Variants in SCCPDH observed in about 807,000 individuals in gnomAD.
SCCPDH encodes the protein saccharopine dehydrogenase (putative), also known as saccharopine dehydrogenase-like oxidoreductase.
SCCPDH carries 34 observed loss-of-function variants against 51.5 expected under a neutral mutation model. That is an observed-to-expected ratio of 0.66 (90% CI 0.50 to 0.88). The LOEUF (loss-of-function observed/expected upper bound fraction) is 0.88, where lower values mean the gene tolerates loss of function less well. Ranked by LOEUF, SCCPDH falls within the 40% of genes least tolerant of loss-of-function variation. SCCPDH has a pLI of 0.00. For missense variants in SCCPDH, 464 were observed against 527.1 expected (o/e 0.88, Z 1.17); for synonymous variants, 187 against 191.3 (o/e 0.98, Z 0.19).
chr1:246,758,880 C>T (rs1668971704), intron 6 of SCCPDH, among the ~76,000 whole-genome samples, 154 bp from the exon 7 acceptor site: 1 of 151,944 alleles, frequency 6.6e-6, no homozygotes, highest in African/African-American at 2.4e-5. Context: ...TCTCAAAGTC[C>T]TGGCCTTAAG....
intron 10 of SCCPDH, among the ~76,000 whole-genome samples, chr1:246,764,709 T>C (rs1669064347): frequency 2.0e-5 from 3 of 152,262 alleles, no homozygotes; most frequent in Admixed American, 6.5e-5. Flanking sequence ...AGGATTTCTT[T>C]AGAGTCTCTG....
At chr1:246,765,544 CTTATGT>C (rs1178113233) in intron 10 of SCCPDH, among the ~76,000 whole-genome samples, 1 of 152,042 alleles carries the variant, frequency 6.6e-6, no homozygotes, top group Non-Finnish European at 1.5e-5. Flanking sequence ...ATTTTTTTAA[CTTATGT>C]TTAGTCGTTA....
At chr1:246,750,033 C>T (rs767688798) in intron 5 of SCCPDH, among the ~76,000 whole-genome samples, 21 of 152,130 alleles carry the variant, frequency 1.4e-4, no homozygotes, top group Non-Finnish European at 2.9e-4. Flanking sequence ...TGGAGTTGGC[C>T]CTGGAATAGC....
chr1:246,752,323 C>A (rs1336068425), intron 5 of SCCPDH, among the ~76,000 whole-genome samples: 3 of 152,172 alleles, frequency 2.0e-5, no homozygotes, highest in South Asian at 2.1e-4. Context: ...CTTCTCCTAG[C>A]ATTTAACTCC....
intron 1 of SCCPDH, among the ~76,000 whole-genome samples, chr1:246,724,895 C>G (rs1047661619): frequency 6.6e-6 from 1 of 152,062 alleles, no homozygotes; most frequent in African/African-American, 2.4e-5. Flanking sequence ...GTTTGGGGAG[C>G]TCCCCTGGCG....
chr1:246,738,126 T>C (rs753734507), intron 3 of SCCPDH, among the ~76,000 whole-genome samples: 15 of 151,378 alleles, frequency 9.9e-5, no homozygotes, highest in Non-Finnish European at 1.5e-4. Flanking sequence ...AACCCAGGAG[T>C]TGGAGGTTGC....
chr1:246,736,497 C>A (rs1051515880), intron 3 of SCCPDH, among the ~76,000 whole-genome samples: 4 of 151,948 alleles, frequency 2.6e-5, no homozygotes, highest in Admixed American at 2.0e-4. Flanking sequence ...GTCAGGAGAT[C>A]GAGACCATCC....
At chr1:246,758,187 C>G (rs765258754) in intron 5 of SCCPDH, 39 bp from the exon 6 acceptor site, 55 of 1,488,588 alleles carry the variant, frequency 3.7e-5, no homozygotes, top group Non-Finnish European at 4.9e-5. Flanking sequence ...TTAGTAACTA[C>G]CCTTTCATGT....
intron 3 of SCCPDH, among the ~76,000 whole-genome samples, chr1:246,737,898 T>C (rs1668621877): frequency 6.6e-6 from 1 of 151,298 alleles, no homozygotes; most frequent in Non-Finnish European, 1.5e-5. Flanking sequence ...AGCCATAATA[T>C]CAAAACCTAA....
Position 246,726,903 on chromosome 1 carries a change from CTG to C in SCCPDH, c.204_205del (p.Ser69IlefsTer2). 1 of 1,612,150 alleles carries C rather than the reference CTG, an allele frequency of 6.2e-7. No homozygotes were observed. The highest frequency in any genetic ancestry group is 8.5e-7 in the Non-Finnish European group (1 of 1,178,212). ...KAALKLGRPT[L>X]SSEVGIIICD... ...GTTTCTTATTTTAGGAAGACCAACA[CTG>C]TCATCTGAAGTTGGAATCATCATCT... On this transcript the variant is annotated frameshift_variant, in exon 2 of 12. Transcript: ENST00000366510. LOFTEE classifies it high-confidence loss of function.
intron 3 of SCCPDH, among the ~76,000 whole-genome samples, chr1:246,738,897 C>T (rs759778886): frequency 9.2e-5 from 14 of 152,220 alleles, no homozygotes; most frequent in Non-Finnish European, 1.9e-4. Flanking sequence ...AGAGACAAAT[C>T]TTCTTTGTGG....
intron 3 of SCCPDH, among the ~76,000 whole-genome samples, chr1:246,736,773 G>A (rs1362202797): frequency 2.6e-5 from 4 of 152,058 alleles, no homozygotes; most frequent in African/African-American, 7.2e-5. Context: ...ATTCACTAGT[G>A]TAAAATCAAC....
intron 4 of SCCPDH, among the ~76,000 whole-genome samples, 154 bp downstream of exon 4, chr1:246,740,455 C>T (rs1668660010): frequency 6.6e-6 from 1 of 152,100 alleles, no homozygotes; most frequent in Admixed American, 6.5e-5. Flanking sequence ...TATAGCTGCA[C>T]TTTTAATAAA....
chr1:246,759,403 C>T (rs993253211), intron 7 of SCCPDH, among the ~76,000 whole-genome samples: 2 of 152,176 alleles, frequency 1.3e-5, no homozygotes, highest in African/African-American at 4.8e-5. Flanking sequence ...GGAAATCCTG[C>T]TGTCATAAGC....
intron 3 of SCCPDH, 25 bp downstream of exon 3, chr1:246,736,080 G>T (rs376950783): frequency 2.0e-6 from 3 of 1,505,362 alleles, no homozygotes; most frequent in African/African-American, 2.8e-5. Flanking sequence ...AAGGAAAAAC[G>T]TAGAATTAAC....
chr1:246,745,173 A>G (rs1362343175), intron 5 of SCCPDH, among the ~76,000 whole-genome samples: 1 of 151,516 alleles, frequency 6.6e-6, no homozygotes, highest in Admixed American at 6.6e-5. Flanking sequence ...AACGTAAGAC[A>G]TTGACGTTGG....
intron 4 of SCCPDH, among the ~76,000 whole-genome samples, chr1:246,742,120 A>G: frequency 6.6e-6 from 1 of 152,248 alleles, no homozygotes; most frequent in East Asian, 1.9e-4. Context: ...CAGTAGCTGT[A>G]TCATACTTAA....
intron 9 of SCCPDH, among the ~76,000 whole-genome samples, chr1:246,764,036 TC>T (rs1669055358): frequency 6.6e-6 from 1 of 151,598 alleles, no homozygotes; most frequent in Non-Finnish European, 1.5e-5. Context: ...CCACTCCCCT[TC>T]CCCCCAACAT....
chr1:246,740,012 C>T (rs537890175), intron 3 of SCCPDH, among the ~76,000 whole-genome samples, 160 bp from the exon 4 acceptor site: 7 of 152,186 alleles, frequency 4.6e-5, no homozygotes, highest in Admixed American at 1.3e-4. Flanking sequence ...CTGTATTTGC[C>T]GAATAAGTGG....
Sources: allele counts gnomAD v4.1 joint callset (sites outside exome capture counted in the v4.1 genomes callset), GRCh38; gene constraint gnomAD v4.1.1; transcripts MANE v1.5; gene names NCBI Gene and HGNC (gene_info 2026-07-23, HGNC 2026-07-21).